ARHGAP24: variants seen among roughly 807,000 people sequenced by gnomAD.
ARHGAP24 encodes the protein Rho GTPase activating protein 24, also known as rho GTPase-activating protein 24.
In ARHGAP24, 50 loss-of-function variants were observed where a neutral mutation model predicts 76.4. That is an observed-to-expected ratio of 0.65 (90% CI 0.52 to 0.83). The LOEUF is 0.83. ARHGAP24 is among the 40% of genes least tolerant of loss of function. ARHGAP24 has a pLI of 0.00. For synonymous variants in ARHGAP24, 345 were observed against 323.3 expected, an observed-to-expected ratio of 1.07 and a Z score of -0.72; for missense variants, 930 against 914.2, an observed-to-expected ratio of 1.02 and a Z score of -0.22.
chr4:85,946,921 T>C (rs931038891), intron 5 of ARHGAP24, among the ~76,000 whole-genome samples: 1 of 152,210 alleles, frequency 6.6e-6, no homozygotes, highest in Non-Finnish European at 1.5e-5. Context: ...CTCTCCACAG[T>C]GGCTGAACTA....
At chr4:85,815,509 C>T (rs1278351884) in intron 3 of ARHGAP24, among the ~76,000 whole-genome samples, 1 of 152,186 alleles carries the variant, frequency 6.6e-6, no homozygotes, top group Non-Finnish European at 1.5e-5. Flanking sequence ...GGCAAAATGA[C>T]ACCAGTCTCT....
intron 1 of ARHGAP24, among the ~76,000 whole-genome samples, chr4:85,534,636 T>G (rs1045370795): frequency 2.6e-5 from 4 of 152,092 alleles, no homozygotes; most frequent in Non-Finnish European, 4.4e-5. Flanking sequence ...AGCAGCTGAG[T>G]GAAATATGAA....
intron 2 of ARHGAP24, among the ~76,000 whole-genome samples, chr4:85,576,509 A>G (rs1727384530): frequency 6.6e-6 from 1 of 152,168 alleles, no homozygotes; most frequent in African/African-American, 2.4e-5. Context: ...TCTCTAAGGC[A>G]ATTGCTGTCC....
At chr4:85,943,949 A>T (rs1737097611) in intron 5 of ARHGAP24, among the ~76,000 whole-genome samples, 1 of 152,204 alleles carries the variant, frequency 6.6e-6, no homozygotes, top group South Asian at 2.1e-4. Context: ...TAGAAGACTG[A>T]TTTATAATCC....
intron 2 of ARHGAP24, among the ~76,000 whole-genome samples, chr4:85,646,419 A>G (rs1377233151): frequency 1.3e-5 from 2 of 152,016 alleles, no homozygotes; most frequent in Non-Finnish European, 2.9e-5. Context: ...TAATTAAATG[A>G]CTTTCTCAAC....
At chr4:85,796,968 G>A (rs1728366997) in intron 3 of ARHGAP24, among the ~76,000 whole-genome samples, 1 of 152,066 alleles carries the variant, frequency 6.6e-6, no homozygotes, top group South Asian at 2.1e-4. Context: ...GCAGAAGCTG[G>A]GCACTGAGGA....
chr4:85,930,212 C>A (rs898660380), intron 4 of ARHGAP24: 9 of 982,966 alleles, frequency 9.2e-6, no homozygotes, highest in Admixed American at 1.2e-4. Context: ...CTGCCTCCCC[C>A]CACAGATCCA....
intron 3 of ARHGAP24, among the ~76,000 whole-genome samples, chr4:85,726,547 C>CT (rs1393674159): frequency 6.6e-6 from 1 of 152,142 alleles, no homozygotes; most frequent in African/African-American, 2.4e-5. Context: ...CTCTTGCTAA[C>CT]TAGTCATTGA....
In ARHGAP24 at chr4:85,995,393, A is replaced by T; in HGVS notation, c.1739A>T (p.Glu580Val). The change falls in exon 9 of 10, where the codon GAG becomes GTG. Residue 580 changes from glutamate to valine, a missense_variant. Physicochemically the swap from Glu to Val is moderately radical, Grantham distance 121 (BLOSUM62 -2). Transcript: ENST00000395184. ...CGCTCTTCTACCACCACCTGCCCAG[A>T]GCAAGACTTTTTTGGGGGGAACTTT... The part of the protein sequence containing the change: ...SCRSSTTTCP[E>V]QDFFGGNFED... 1.2e-6 allele frequency: 2 copies of T among 1,613,300 alleles called. No homozygotes were observed. The highest frequency in any genetic ancestry group is 1.7e-6 in the Non-Finnish European group (2 of 1,179,346).
chr4:85,883,296 A>C (rs754065775), intron 3 of ARHGAP24, among the ~76,000 whole-genome samples: 2 of 152,210 alleles, frequency 1.3e-5, no homozygotes, highest in Non-Finnish European at 2.9e-5. Flanking sequence ...GAGAATGTTA[A>C]TAGGTTTTTG....
chr4:85,628,986 T>G (rs1721067663), intron 2 of ARHGAP24, among the ~76,000 whole-genome samples: 1 of 152,214 alleles, frequency 6.6e-6, no homozygotes, highest in Non-Finnish European at 1.5e-5. Context: ...ATATTTGAAT[T>G]TATTATTAAT....
intron 3 of ARHGAP24, among the ~76,000 whole-genome samples, chr4:85,902,805 T>C (rs1316232318): frequency 6.6e-6 from 1 of 152,216 alleles, no homozygotes; most frequent in African/African-American, 2.4e-5. Flanking sequence ...GTTTTTGCCA[T>C]GTTGGCCAGG....
intron 3 of ARHGAP24, among the ~76,000 whole-genome samples, chr4:85,766,318 G>C (rs1415300894): frequency 6.6e-6 from 1 of 152,104 alleles, no homozygotes. Context: ...AGAATTTTCT[G>C]TACTTACATA....
intron 3 of ARHGAP24, among the ~76,000 whole-genome samples, chr4:85,902,156 C>T (rs1165090825): frequency 6.6e-6 from 1 of 151,994 alleles, no homozygotes. Flanking sequence ...GACATGAACT[C>T]ATTCTTTTTT....
At chr4:85,731,427 G>C (rs1725405142) in intron 3 of ARHGAP24, among the ~76,000 whole-genome samples, 1 of 152,224 alleles carries the variant, frequency 6.6e-6, no homozygotes, top group African/African-American at 2.4e-5. Context: ...CTGTCATGTA[G>C]TGTATGCTTA....
intron 3 of ARHGAP24, among the ~76,000 whole-genome samples, chr4:85,733,095 G>A (rs1466495176): frequency 8.6e-4 from 51 of 58,980 alleles, no homozygotes; most frequent in African/African-American, 3.4e-3. Flanking sequence ...ATGGAGTTTC[G>A]CTCTGTCACC....
At chr4:85,771,650 A>G (rs1165382526) in intron 3 of ARHGAP24, among the ~76,000 whole-genome samples, 4 of 152,236 alleles carry the variant, frequency 2.6e-5, no homozygotes, top group African/African-American at 9.6e-5. Context: ...AATGTCTTCT[A>G]AAAGAGAAGC....
intron 3 of ARHGAP24, among the ~76,000 whole-genome samples, chr4:85,782,388 G>A (rs1452169338): frequency 5.9e-5 from 9 of 152,138 alleles, no homozygotes; most frequent in Non-Finnish European, 1.3e-4. Flanking sequence ...ACACGCTTAG[G>A]AAGACTTCGA....
At chr4:85,859,478 A>G (rs1731767308) in intron 3 of ARHGAP24, among the ~76,000 whole-genome samples, 1 of 152,180 alleles carries the variant, frequency 6.6e-6, no homozygotes, top group South Asian at 2.1e-4. Context: ...AATGAGTATC[A>G]ACATATTTTA....
Sources: allele counts gnomAD v4.1 joint callset (sites outside exome capture counted in the v4.1 genomes callset), GRCh38; gene constraint gnomAD v4.1.1; transcripts MANE v1.5; gene names NCBI Gene and HGNC (gene_info 2026-07-23, HGNC 2026-07-21).